The following ZNF607 variants were observed in gnomAD, a reference collection of about 807,000 sequenced individuals.
The protein encoded by ZNF607 is zinc finger protein 607.
ZNF607 carries 5 observed loss-of-function variants against 12.8 expected under a neutral mutation model. That is an observed-to-expected ratio of 0.39 (90% CI 0.20 to 0.82). The LOEUF (loss-of-function observed/expected upper bound fraction) is 0.82. Among genes scored for constraint, ZNF607 ranks in the 40% least tolerant of loss-of-function variants. The pLI, the probability that ZNF607 is intolerant of heterozygous loss-of-function variation, is 0.39. For missense variants in ZNF607, 851 were observed against 859.2 expected (o/e 0.99, Z 0.12); for synonymous variants, 287 against 276.2 (o/e 1.04, Z -0.39).
chr19:37,717,071 G>A (rs1488693775), intron 1 of ZNF607, among the ~76,000 whole-genome samples: 1 of 152,208 alleles, frequency 6.6e-6, no homozygotes, highest in Non-Finnish European at 1.5e-5. Flanking sequence ...CACATTATAT[G>A]CTCAGTAAAT....
intron 2 of ZNF607, among the ~76,000 whole-genome samples, chr19:37,710,936 C>G (rs937056665): frequency 2.0e-5 from 3 of 152,198 alleles, no homozygotes; most frequent in Non-Finnish European, 4.4e-5. Flanking sequence ...CATCTGACTC[C>G]AGAAAACTAG....
At chr19:37,710,988 C>T (rs2045128427) in intron 2 of ZNF607, among the ~76,000 whole-genome samples, 1 of 152,222 alleles carries the variant, frequency 6.6e-6, no homozygotes, top group South Asian at 2.1e-4. Flanking sequence ...TCAAGTACTT[C>T]ATTACATTAA....
chr19:37,704,731 G>T (rs1386672018), intron 4 of ZNF607, among the ~76,000 whole-genome samples: 1 of 152,230 alleles, frequency 6.6e-6, no homozygotes. Context: ...GGGCGAGCGG[G>T]CGGATCACAA....
chr19:37,698,666 T>C lies in ZNF607; in HGVS notation c.1465A>G (p.Ser489Gly). The C allele has an allele frequency of 6.2e-7, 1 of 1,613,932 alleles. No homozygotes were observed. The highest frequency in any genetic ancestry group is 8.5e-7 in the Non-Finnish European group (1 of 1,179,966). Reference protein sequence around the residue: ...CQECGKGFSYSHKLTIHRRVH... With the variant: ...CQECGKGFSYGHKLTIHRRVH... ...CTGCGATGTATAGTGAGTTTATGGC[T>C]ATAACTAAAACCCTTCCCACACTCT... is the stretch of plus-strand genomic sequence containing the variant. The change falls in exon 5 of 5, where the codon AGC becomes GGC. Residue 489 changes from serine (S) to glycine (G), a missense_variant. By Grantham distance (56) the Ser-to-Gly change is moderately conservative. Transcript: ENST00000355202.
intron 1 of ZNF607, among the ~76,000 whole-genome samples, chr19:37,714,166 A>C (rs1448561075): frequency 3.3e-5 from 5 of 151,796 alleles, no homozygotes; most frequent in Non-Finnish European, 7.4e-5. Flanking sequence ...TAAAAATACA[A>C]AAAAAATTAG....
chr19:37,713,778 T>C (rs746346652), intron 1 of ZNF607, among the ~76,000 whole-genome samples: 1 of 152,106 alleles, frequency 6.6e-6, no homozygotes, highest in Non-Finnish European at 1.5e-5. Flanking sequence ...GGTACACTTG[T>C]AAGAATTTTT....
rs1468775151 is a variant in ZNF607 at position 37,719,369 on chromosome 19, C to G, written c.-175G>C. ...CCCCGCCTGTCTCCTAGAGACGGGC[C>G]CCTCCTCCGCAGCTCCAGCACCCTA... On this transcript the variant is annotated 5_prime_UTR_variant, in exon 1 of 5. Coordinates refer to ENST00000355202, the MANE Select transcript of ZNF607 (RefSeq NM_032689.5). The G allele has an allele frequency of 4.6e-5, 7 of 152,860 alleles. No homozygotes were observed. Among genetic ancestry groups the G allele is most frequent in the Admixed American group, 4.6e-4 (7 of 15,292 alleles). 9.5% of individuals were successfully genotyped at this position (152,860 alleles called of 1,614,324 possible). A position where few individuals can be genotyped will look rare whatever the true frequency, so the allele number is the denominator to read the frequency against.
rs143988674 is a variant in ZNF607, at chr19:37,699,074, T to C, written c.1057A>G (p.Thr353Ala). The stretch of plus-strand genomic sequence containing the variant: ...ACACTTTCAAATGTATGAGGTGCAG[T>C]AAGTTGATGGCCACTACTAAAAGCC... ...GEAFSSGHQL[T>A]APHTFESVEK... Residue 353 changes from threonine to alanine, a missense_variant, in exon 5 of 5, where the codon ACT (threonine) becomes GCT (alanine). Thr to Ala is a moderately conservative substitution (Grantham distance 58). Coordinates refer to ENST00000355202, the MANE Select transcript of ZNF607 (RefSeq NM_032689.5). 1.4e-5 allele frequency: 23 copies of C among 1,613,998 alleles called. No homozygotes were observed. The African/African-American group carries it at 2.7e-4, about 19-fold the overall frequency.
At chr19:37,712,866 C>T (rs1359880345) in intron 1 of ZNF607, among the ~76,000 whole-genome samples, 1 of 152,100 alleles carries the variant, frequency 6.6e-6, no homozygotes, top group Admixed American at 6.6e-5. Context: ...GGTCCCCAAA[C>T]CTAAACTCAC....
At chr19:37,701,627 G>A (rs113451879) in intron 4 of ZNF607, among the ~76,000 whole-genome samples, 23 of 152,150 alleles carry the variant, frequency 1.5e-4, no homozygotes, top group African/African-American at 5.3e-4. Flanking sequence ...CGGTGAAAGC[G>A]CACACTTCTA....
chr19:37,715,469 G>T (rs1001592330), intron 1 of ZNF607, among the ~76,000 whole-genome samples: 4 of 151,882 alleles, frequency 2.6e-5, no homozygotes, highest in African/African-American at 9.7e-5. Flanking sequence ...AGCTGGGCAT[G>T]GTGATGCATG....
At chr19:37,712,216 T>C (rs1242951012) in intron 1 of ZNF607, among the ~76,000 whole-genome samples, 2 of 152,196 alleles carry the variant, frequency 1.3e-5, no homozygotes, top group African/African-American at 4.8e-5. Context: ...AGTCATTAAA[T>C]GTGAAATTGA....
At position 37,709,804 on chromosome 19, in the gene ZNF607, C is replaced by T. The variant is rs1209290645; in HGVS notation, c.28G>A (p.Asp10Asn). 1 of 1,613,612 alleles carries T rather than the reference C, an allele frequency of 6.2e-7. No homozygotes were observed. The highest frequency in any genetic ancestry group is 1.7e-5 in the Admixed American group (1 of 60,012). The stretch of plus-strand genomic sequence containing the variant: ...TGATGAGAGAAGTCTATGGCCACAT[C>T]CCCGAATGTTATTGATCCCTGAAAC... MSYGSITFGDVAIDFSHQEW... is the reference protein window; with the variant it reads MSYGSITFGNVAIDFSHQEW... Residue 10 changes from aspartate to asparagine, a missense_variant, in exon 3 of 5, where the codon GAT becomes AAT. By Grantham distance (23) the Asp-to-Asn change is conservative (BLOSUM62 1). Transcript: ENST00000355202.
At chr19:37,712,532 T>C (rs753402550) in intron 1 of ZNF607, among the ~76,000 whole-genome samples, 24 of 152,100 alleles carry the variant, frequency 1.6e-4, no homozygotes, top group Non-Finnish European at 1.8e-4. Flanking sequence ...AAAGTGCTTA[T>C]AGTCATAGTG....
intron 4 of ZNF607, among the ~76,000 whole-genome samples, chr19:37,705,849 T>C (rs1197875375): frequency 4.6e-5 from 7 of 152,118 alleles, no homozygotes; most frequent in Non-Finnish European, 1.0e-4. Context: ...CTTCTCTCTC[T>C]TTCTCTCTCT....
At chr19:37,705,109 A>G (rs962440326) in intron 4 of ZNF607, among the ~76,000 whole-genome samples, 3 of 152,186 alleles carry the variant, frequency 2.0e-5, no homozygotes, top group Non-Finnish European at 2.9e-5. Context: ...AAAAAAATCA[A>G]TGAAACCAAA....
chr19:37,698,336 T>C lies in ZNF607; in HGVS notation c.1795A>G (p.Ser599Gly). ...YECKECGETF[S>G]HASHLIIHER... The stretch of plus-strand genomic sequence containing the variant: ...TGAATAATAAGATGTGAAGCATGAC[T>C]AAAAGTTTCCCCACATTCTTTACAT... The change falls in exon 5 of 5, where the codon AGT (serine) becomes GGT (glycine). Residue 599 changes from serine to glycine, a missense_variant. Physicochemically the swap from Ser to Gly is moderately conservative, Grantham distance 56. Coordinates refer to ENST00000355202, the MANE Select transcript of ZNF607 (RefSeq NM_032689.5). 2 of 1,614,180 alleles carry C rather than the reference T, an allele frequency of 1.2e-6. No homozygotes were observed. Among genetic ancestry groups the C allele is most frequent in the Non-Finnish European group, 1.7e-6 (2 of 1,180,024 alleles).
At chr19:37,717,852 A>G (rs1400027974) in intron 1 of ZNF607, among the ~76,000 whole-genome samples, 2 of 151,326 alleles carry the variant, frequency 1.3e-5, no homozygotes, top group East Asian at 1.9e-4. Context: ...AGTTGCATAT[A>G]TAGTTTGAGA....
chr19:37,708,142 A>G, intron 3 of ZNF607, 130 bp from the exon 4 acceptor site: 2 of 663,602 alleles, frequency 3.0e-6, no homozygotes, highest in Non-Finnish European at 4.8e-6. Flanking sequence ...AGGGAAATAA[A>G]GAAAAAGATC....
Sources: allele counts gnomAD v4.1 joint callset (sites outside exome capture counted in the v4.1 genomes callset), GRCh38; gene constraint gnomAD v4.1.1; transcripts MANE v1.5; gene names NCBI Gene and HGNC (gene_info 2026-07-23, HGNC 2026-07-21).